IMMP2L: variants seen among roughly 807,000 people sequenced by gnomAD.
The protein encoded by IMMP2L is inner mitochondrial membrane peptidase subunit 2.
IMMP2L carries 18 observed loss-of-function variants against 19.3 expected under a neutral mutation model. The ratio of observed to expected loss-of-function variants is 0.93; its 90% confidence interval spans 0.64 to 1.38. The LOEUF is 1.38. Ranked by LOEUF, IMMP2L falls within the 40% of genes most tolerant of loss-of-function variation. The pLI, the probability that IMMP2L is intolerant of heterozygous loss-of-function variation, is 0.00. For missense variants in IMMP2L, 233 were observed against 218.2 expected, an observed-to-expected ratio of 1.07 and a Z score of -0.43; for synonymous variants, 76 against 73.0, an observed-to-expected ratio of 1.04 and a Z score of -0.21.
chr7:110,900,206 G>A (rs1811717363), intron 4 of IMMP2L, among the ~76,000 whole-genome samples: 1 of 152,164 alleles, frequency 6.6e-6, no homozygotes, highest in East Asian at 1.9e-4. Flanking sequence ...TTGTTGTGAA[G>A]ATCTCAACTG....
intron 5 of IMMP2L, among the ~76,000 whole-genome samples, chr7:110,845,706 T>G (rs1805586294): frequency 6.6e-6 from 1 of 152,154 alleles, no homozygotes; most frequent in African/African-American, 2.4e-5. Context: ...GTCTTCTCCC[T>G]TAACTTCACG....
intron 3 of IMMP2L, among the ~76,000 whole-genome samples, chr7:111,117,737 A>G (rs193170496): frequency 3.3e-5 from 5 of 152,234 alleles, no homozygotes; most frequent in Non-Finnish European, 7.4e-5. Flanking sequence ...AATAGAATTT[A>G]AGTTCTTTAT....
chr7:110,818,546 G>GTTGGTGTGGA (rs1425052424), intron 5 of IMMP2L, among the ~76,000 whole-genome samples: 1 of 152,174 alleles, frequency 6.6e-6, no homozygotes. Flanking sequence ...CATTGTGGAA[G>GTTGGTGTGGA]TTGGTGTGGC....
intron 3 of IMMP2L, among the ~76,000 whole-genome samples, chr7:111,180,463 T>C (rs1057475394): frequency 4.6e-5 from 7 of 152,086 alleles, no homozygotes; most frequent in African/African-American, 7.2e-5. Flanking sequence ...TGGGTGAGGT[T>C]TGTGGTGCCC....
At chr7:110,935,061 C>T (rs1815936209) in intron 4 of IMMP2L, among the ~76,000 whole-genome samples, 1 of 152,018 alleles carries the variant, frequency 6.6e-6, no homozygotes, top group Non-Finnish European at 1.5e-5. Context: ...GGTTATTTTG[C>T]CCATTAGTTG....
At chr7:110,741,245 T>C (rs1054284372) in intron 5 of IMMP2L, among the ~76,000 whole-genome samples, 3 of 152,204 alleles carry the variant, frequency 2.0e-5, no homozygotes, top group Non-Finnish European at 4.4e-5. Flanking sequence ...CCAAACATTG[T>C]ATGTTCTCAC....
rs550818570 is a variant in IMMP2L, at chr7:111,331,756, G to C, written c.239+155482C>G. 7.9e-5 allele frequency among the ~76,000 whole-genome samples: 12 copies of C among 151,684 alleles called. No homozygotes were observed. The East Asian group carries it at 9.7e-4, about 12-fold the overall frequency. On this transcript the variant is annotated intron_variant, in intron 3 of 5. Transcript: ENST00000405709. The stretch of plus-strand genomic sequence containing the variant: ...ACCAATGGGGCAGCATTTCCATAAG[G>C]CTCCAGGAAATAAAGGGAAATCCAA...
chr7:110,927,872 A>G (rs1010948820), intron 4 of IMMP2L, among the ~76,000 whole-genome samples: 1 of 152,120 alleles, frequency 6.6e-6, no homozygotes, highest in Non-Finnish European at 1.5e-5. Flanking sequence ...CTTACACATT[A>G]TTTTATAAAT....
chr7:110,909,505 G>A (rs373961936), intron 4 of IMMP2L, among the ~76,000 whole-genome samples: 5 of 152,132 alleles, frequency 3.3e-5, no homozygotes, highest in African/African-American at 1.2e-4. Flanking sequence ...GTGAAAGCAC[G>A]AGAACGGTGC....
At chr7:111,084,649 A>G (rs1394871233) in intron 3 of IMMP2L, among the ~76,000 whole-genome samples, 2 of 152,210 alleles carry the variant, frequency 1.3e-5, no homozygotes, top group Non-Finnish European at 2.9e-5. Context: ...TGAACCCACA[A>G]TGACAAGAGA....
intron 5 of IMMP2L, among the ~76,000 whole-genome samples, chr7:110,811,788 T>C (rs1375481804): frequency 2.6e-5 from 4 of 152,040 alleles, no homozygotes; most frequent in Non-Finnish European, 5.9e-5. Flanking sequence ...ATCCTGGTTT[T>C]TCTTCATGCA....
chr7:110,867,150 A>G (rs1808063135), intron 5 of IMMP2L, among the ~76,000 whole-genome samples: 1 of 151,952 alleles, frequency 6.6e-6, no homozygotes, highest in Admixed American at 6.6e-5. Flanking sequence ...TCATTTTCTC[A>G]CAGTTCTGAA....
chr7:111,423,405 T>C (rs1464614892), intron 3 of IMMP2L, among the ~76,000 whole-genome samples: 1 of 151,812 alleles, frequency 6.6e-6, no homozygotes, highest in Admixed American at 6.6e-5. Context: ...CTGTTATTGG[T>C]CTATTTAGAG....
intron 3 of IMMP2L, among the ~76,000 whole-genome samples, chr7:111,103,240 G>A (rs1199676055): frequency 1.3e-5 from 2 of 151,518 alleles, no homozygotes; most frequent in Non-Finnish European, 3.0e-5. Context: ...CAGATTTATG[G>A]TTAATAATTG....
intron 4 of IMMP2L, among the ~76,000 whole-genome samples, chr7:110,912,427 A>G (rs1449758259): frequency 6.6e-6 from 1 of 152,080 alleles, no homozygotes; most frequent in African/African-American, 2.4e-5. Flanking sequence ...AATTAGTTAA[A>G]TTGTGGTGAT....
chr7:110,926,777 A>T (rs886554965), intron 4 of IMMP2L, among the ~76,000 whole-genome samples: 4 of 152,134 alleles, frequency 2.6e-5, no homozygotes, highest in Non-Finnish European at 5.9e-5. Flanking sequence ...TTATCATTAC[A>T]ATTTTTTTGT....
At position 111,213,486 on chromosome 7, in the gene IMMP2L, A is replaced by C. The variant is rs150366265; in HGVS notation, c.240-249921T>G. On this transcript the variant is annotated intron_variant, in intron 3 of 5. Coordinates refer to ENST00000405709, the MANE Select transcript of IMMP2L (RefSeq NM_032549.4). This position sits in a 1 kb window ranked among gnomAD's most constrained non-coding sequence, Gnocchi z 4.8. The stretch of plus-strand genomic sequence containing the variant: ...GCAAGGCCCCACCTTCAAGCTGGGG[A>C]GGGCCTGAAGCCCTCCAGGGGCCAG... Among the ~76,000 whole-genome samples the C allele has an allele frequency of 5.8e-4, 88 of 152,206 alleles. 1 individual carries two copies. In the East Asian group the frequency reaches 0.017, roughly 29 times the overall value.
At chr7:110,816,274 C>G (rs550784835) in intron 5 of IMMP2L, among the ~76,000 whole-genome samples, 1 of 152,000 alleles carries the variant, frequency 6.6e-6, no homozygotes, top group East Asian at 1.9e-4. Flanking sequence ...AGTTGAGCGG[C>G]TTTGAGTGAG....
chr7:111,479,941 A>C (rs1237143753), intron 3 of IMMP2L, among the ~76,000 whole-genome samples: 1 of 152,170 alleles, frequency 6.6e-6, no homozygotes, highest in African/African-American at 2.4e-5. Flanking sequence ...TCAAAATTGA[A>C]ATTTATTAAA....
Sources: allele counts gnomAD v4.1 joint callset (sites outside exome capture counted in the v4.1 genomes callset), GRCh38; gene constraint gnomAD v4.1.1; non-coding constraint Gnocchi (gnomAD v3.1); transcripts MANE v1.5; gene names NCBI Gene and HGNC (gene_info 2026-07-23, HGNC 2026-07-21).